The following NUP85 variants were observed in gnomAD, a reference collection of about 807,000 sequenced individuals.
The protein encoded by NUP85 is nuclear pore complex protein Nup85.
Under a neutral mutation model 92.8 loss-of-function variants are expected in NUP85, and 23 were observed. That is an observed-to-expected ratio of 0.25 (90% CI 0.18 to 0.35). The LOEUF is 0.35. Ranked by LOEUF, NUP85 falls within the 10% of genes least tolerant of loss-of-function variation. The pLI is 1.00. For missense variants in NUP85, 759 were observed against 822.8 expected (o/e 0.92, Z 0.95); for synonymous variants, 314 against 306.9 (o/e 1.02, Z -0.24).
chr17:75,218,121 G>A (rs1486902054), intron 6 of NUP85, 64 bp from the exon 7 acceptor site: 4 of 1,607,354 alleles, frequency 2.5e-6, no homozygotes, highest in South Asian at 2.2e-5. Context: ...CTGTTCCTTG[G>A]ATAAAGGAAC....
In NUP85 at chr17:75,225,614, G is replaced by A. The variant is rs977749000; in HGVS notation, c.856-84G>A. On this transcript the variant is annotated intron_variant, in intron 9 of 18. Coordinates refer to ENST00000245544, the MANE Select transcript of NUP85 (RefSeq NM_024844.5). ...AGAGCTTTCAGACTAGTTGAAATCCGGTGCCCTTAGCTGAGAGCAGGAGCA... is the reference window on the plus strand; with the variant it reads ...AGAGCTTTCAGACTAGTTGAAATCCAGTGCCCTTAGCTGAGAGCAGGAGCA... The A allele has an allele frequency of 2.5e-6, 4 of 1,584,450 alleles. No homozygotes were observed. The African/African-American group carries it at 4.0e-5, about 16-fold the overall frequency.
intron 11 of NUP85, chr17:75,228,346 C>G: frequency 1.0e-6 from 1 of 985,418 alleles, no homozygotes; most frequent in Non-Finnish European, 1.2e-6. Flanking sequence ...CAGTCTCAGC[C>G]TCTCTCCACT....
chr17:75,235,250 C>T (rs2076286933), intron 18 of NUP85, 49 bp downstream of exon 18: 2 of 1,354,260 alleles, frequency 1.5e-6, no homozygotes, highest in African/African-American at 1.4e-5. Flanking sequence ...TGGGAAAAGG[C>T]TCCCTCTATC....
At chr17:75,224,033 T>C (rs1380289183) in intron 7 of NUP85, among the ~76,000 whole-genome samples, 2 of 151,884 alleles carry the variant, frequency 1.3e-5, no homozygotes, top group African/African-American at 4.8e-5. Context: ...TATTAGCAAT[T>C]TTGTTTTATT....
At chr17:75,205,929 C>T in intron 1 of NUP85, 135 bp downstream of exon 1, 1 of 1,037,000 alleles carries the variant, frequency 9.6e-7, no homozygotes. Context: ...GCCACTTTTC[C>T]GGAGGTCGCA....
chr17:75,233,325 C>T (rs1388366101), intron 16 of NUP85, among the ~76,000 whole-genome samples, 167 bp downstream of exon 16: 1 of 151,950 alleles, frequency 6.6e-6, no homozygotes, highest in Non-Finnish European at 1.5e-5. Context: ...TTGGCTGTCA[C>T]ATCTCCTTAG....
rs773121467 is a variant in NUP85, at chr17:75,212,083, CGCGCGTGTGTGT to C, written c.361+23_361+34del. ...TGCAAGTAAGGACTGTGTGCGCGTGCGCGCGTGTGTGTGTGTGTGTGTGTGTGGGTATTTTGA... is the reference window on the plus strand; with the variant it reads ...TGCAAGTAAGGACTGTGTGCGCGTGCGTGTGTGTGTGTGTGGGTATTTTGA... On this transcript the variant is annotated intron_variant, in intron 4 of 18. Coordinates refer to ENST00000245544, the MANE Select transcript of NUP85 (RefSeq NM_024844.5). 8.7e-3 allele frequency: 8,215 copies of C among 941,572 alleles called. 305 individuals carry two copies. In the African/African-American group the frequency reaches 0.12, roughly 13 times the overall value. The allele number at this position is 941,572 out of a possible 1,614,324, so 58.3% of individuals were successfully genotyped here. A position where few individuals can be genotyped will look rare whatever the true frequency, so the allele number is the denominator to read the frequency against.
rs977156396 is a variant in NUP85 at position 75,231,696 on chromosome 17, T to C, written c.1244+58T>C. 14 of 1,606,996 alleles carry C rather than the reference T, an allele frequency of 8.7e-6. 1 individual carries two copies. The highest frequency in any genetic ancestry group is 5.5e-5 in the South Asian group (5 of 90,902). ...GGTGCTCTTCAGCATGCGGGTGCCATTGGAGCTTGGACTGTTCTCTCCCAG... is the reference window on the plus strand; with the variant it reads ...GGTGCTCTTCAGCATGCGGGTGCCACTGGAGCTTGGACTGTTCTCTCCCAG... On this transcript the variant is annotated intron_variant, in intron 13 of 18. Transcript: ENST00000245544. The surrounding 1 kb of genome is among the most constrained non-coding windows in gnomAD (Gnocchi z 4.6).
chr17:75,234,910 C>A, intron 17 of NUP85, 122 bp downstream of exon 17: 1 of 1,246,138 alleles, frequency 8.0e-7, no homozygotes, highest in Non-Finnish European at 1.2e-6. Context: ...GTGTATTCCC[C>A]TTAGCGCCCT....
intron 1 of NUP85, among the ~76,000 whole-genome samples, chr17:75,207,477 G>A (rs1005918813): frequency 2.6e-5 from 4 of 151,788 alleles, no homozygotes; most frequent in African/African-American, 9.7e-5. Flanking sequence ...GAGCCACTGC[G>A]CCTGGCCTCA....
chr17:75,214,139 C>T (rs1276892490), intron 5 of NUP85, among the ~76,000 whole-genome samples: 7 of 152,134 alleles, frequency 4.6e-5, no homozygotes, highest in African/African-American at 7.2e-5. Flanking sequence ...CCACTGCGCC[C>T]GGCTAAACTC....
chr17:75,233,521 A>G lies in NUP85; in HGVS notation c.1615+363A>G, dbSNP rs541875433. On this transcript the variant is annotated intron_variant, in intron 16 of 18. Transcript: ENST00000245544. ...ACTGCAACCTCCACCTCCTGACTTC[A>G]AGCAATTCTCGTGCCTCAGCCTCCC... Among the ~76,000 whole-genome samples, 134 of 138,960 alleles carry G rather than the reference A, an allele frequency of 9.6e-4. 1 individual carries two copies. In the South Asian group the frequency reaches 0.012, roughly 13 times the overall value. The allele number at this position is 138,960 out of a possible 152,430, so 91.2% of individuals were successfully genotyped here. A position where few individuals can be genotyped will look rare whatever the true frequency, so the allele number is the denominator to read the frequency against.
At chr17:75,212,469 G>GTT (rs57106942) in intron 4 of NUP85, among the ~76,000 whole-genome samples, 12 of 77,446 alleles carry the variant, frequency 1.5e-4, no homozygotes, top group African/African-American at 6.8e-4. Context: ...TGTGCCTGGA[G>GTT]TTTTTTTTTT....
At position 75,212,958 on chromosome 17, in the gene NUP85, C is replaced by A. The variant is rs1049236550; in HGVS notation, c.362-118C>A. The A allele has an allele frequency of 7.5e-5, 73 of 972,024 alleles. No individual in the cohort carries two copies. The African/African-American group carries it at 9.6e-4, about 13-fold the overall frequency. The allele number at this position is 972,024 out of a possible 1,614,324, so 60.2% of individuals were successfully genotyped here. A position where few individuals can be genotyped will look rare whatever the true frequency, so the allele number is the denominator to read the frequency against. On this transcript the variant is annotated intron_variant, in intron 4 of 18. Coordinates refer to ENST00000245544, the MANE Select transcript of NUP85 (RefSeq NM_024844.5). ...CCATAATTAAAAGAGATTATAATGT[C>A]TTTTAATTTTTCTCATTAAAATAAA...
Position 75,218,167 on chromosome 17 carries a change from G to A in NUP85, c.476-18G>A. ...TGAAGCTGAGGCTTTTGTGTGTGAT[G>A]AGAGTCTCTCCTCCCAGCTGGCCCT... On this transcript the variant is annotated intron_variant, in intron 6 of 18. Transcript: ENST00000245544. 6.2e-7 allele frequency: 1 copy of A among 1,613,622 alleles called. No individual in the cohort carries two copies. The highest frequency in any genetic ancestry group is 8.5e-7 in the Non-Finnish European group (1 of 1,179,698).
Position 75,233,641 on chromosome 17 carries a change from C to T in NUP85, c.1615+483C>T, listed in dbSNP as rs373679117. On this transcript the variant is annotated intron_variant, in intron 16 of 18. Transcript: ENST00000245544. ...GGGGACAGAGTCTCACTCTGTCACCCGGGCTGGAGTGCAGTGGCGTGATCT... is the reference window on the plus strand; with the variant it reads ...GGGGACAGAGTCTCACTCTGTCACCTGGGCTGGAGTGCAGTGGCGTGATCT... Among the ~76,000 whole-genome samples the T allele has an allele frequency of 1.3e-4, 19 of 150,828 alleles. No individual in the cohort carries two copies. The East Asian group carries it at 1.8e-3, about 14-fold the overall frequency.
At chr17:75,212,112 G>T in intron 4 of NUP85, 50 bp downstream of exon 4, 1 of 1,191,424 alleles carries the variant, frequency 8.4e-7, no homozygotes, top group East Asian at 2.5e-5. Context: ...GTGTGTGTGG[G>T]TATTTTGAGT....
At position 75,232,911 on chromosome 17, in the gene NUP85, C is replaced by T; in HGVS notation, c.1457C>T (p.Ala486Val). 2 of 1,614,206 alleles carry T rather than the reference C, an allele frequency of 1.2e-6. No individual in the cohort carries two copies. ...GTCCGCAACAATCGCCTGGGTTCTG[C>T]CCTCTCTTGGAGCATCCGTGCTAAG... Reference protein sequence around the residue: ...KAVRNNRLGSALSWSIRAKDA... With the variant: ...KAVRNNRLGSVLSWSIRAKDA... The change falls in exon 15 of 19, where the codon GCC (alanine) becomes GTC (valine). Residue 486 changes from alanine to valine, a missense_variant. Ala to Val is a moderately conservative substitution (Grantham distance 64, BLOSUM62 0). Coordinates refer to ENST00000245544, the MANE Select transcript of NUP85 (RefSeq NM_024844.5).
rs759915823 is a variant in NUP85 at position 75,231,418 on chromosome 17, C to A, written c.1173C>A (p.Asn391Lys). 17 of 1,614,070 alleles carry A rather than the reference C, an allele frequency of 1.1e-5. No homozygotes were observed. Among genetic ancestry groups the A allele is most frequent in the Non-Finnish European group, 1.4e-5 (17 of 1,180,014 alleles). The change falls in exon 12 of 19, where the codon AAC becomes AAA. Residue 391 changes from asparagine to lysine, a missense_variant. By Grantham distance (94) the Asn-to-Lys change is moderately conservative (BLOSUM62 0). Coordinates refer to ENST00000245544, the MANE Select transcript of NUP85 (RefSeq NM_024844.5). The surrounding 1 kb of genome is among the most constrained non-coding windows in gnomAD (Gnocchi z 4.6). ...ACTGCAAGCTCCTCCAGTCACACAA[C>A]CTCTAGTAAGTGGCCGGGAGGCACC... ...LDHCKLLQSHNLYFGSNMREF... is the reference protein window; with the variant it reads ...LDHCKLLQSHKLYFGSNMREF...
Sources: allele counts gnomAD v4.1 joint callset (sites outside exome capture counted in the v4.1 genomes callset), GRCh38; gene constraint gnomAD v4.1.1; non-coding constraint Gnocchi (gnomAD v3.1); transcripts MANE v1.5; gene names NCBI Gene and HGNC (gene_info 2026-07-23, HGNC 2026-07-21).